The following MGAT4C variants were observed in gnomAD, a reference collection of about 807,000 sequenced individuals.
MGAT4C encodes the protein alpha-1,3-mannosyl-glycoprotein 4-beta-N-acetylglucosaminyltransferase C.
MGAT4C carries 19 observed loss-of-function variants against 40.1 expected under a neutral mutation model. The ratio of observed to expected loss-of-function variants is 0.47; its 90% CI spans 0.33 to 0.70. The LOEUF (loss-of-function observed/expected upper bound fraction) is 0.70. Ranked by LOEUF, MGAT4C falls within the 30% of genes least tolerant of loss-of-function variation. The probability of loss-of-function intolerance (pLI) is 0.02; values close to 1 mark genes in which losing one functional copy is unlikely to be tolerated. For missense variants in MGAT4C, 491 were observed against 563.2 expected (o/e 0.87, Z 1.30); for synonymous variants, 181 against 187.1 (o/e 0.97, Z 0.27).
intron 2 of MGAT4C, among the ~76,000 whole-genome samples, chr12:86,442,967 G>C (rs575674674): frequency 2.0e-5 from 3 of 151,974 alleles, no homozygotes; most frequent in African/African-American, 7.3e-5. Flanking sequence ...AGTTTTTAGC[G>C]ATAAGGTATT....
intron 4 of MGAT4C, among the ~76,000 whole-genome samples, chr12:86,329,345 G>C (rs952637743): frequency 6.6e-6 from 1 of 152,016 alleles, no homozygotes; most frequent in African/African-American, 2.4e-5. Flanking sequence ...TGGTTCAGTG[G>C]ACATAGTTAC....
At chr12:86,823,022 C>T (rs1177794923) in intron 1 of MGAT4C, among the ~76,000 whole-genome samples, 1 of 150,296 alleles carries the variant, frequency 6.7e-6, no homozygotes, top group Admixed American at 6.7e-5. Context: ...AGTAATTGAA[C>T]AACACACTGT....
At chr12:86,800,999 G>C (rs1952215850) in intron 1 of MGAT4C, among the ~76,000 whole-genome samples, 1 of 151,902 alleles carries the variant, frequency 6.6e-6, no homozygotes, top group South Asian at 2.1e-4. Flanking sequence ...ACTCTGGCCT[G>C]CCTTCAGCAA....
chr12:86,110,614 C>T (rs1361001656), intron 1 of MGAT4C, among the ~76,000 whole-genome samples: 2 of 150,932 alleles, frequency 1.3e-5, no homozygotes, highest in African/African-American at 4.9e-5. Context: ...AAAAATAATT[C>T]CTAAGCCTTA....
At chr12:86,531,658 G>A (rs375607711) in intron 2 of MGAT4C, among the ~76,000 whole-genome samples, 1 of 151,842 alleles carries the variant, frequency 6.6e-6, no homozygotes, top group African/African-American at 2.4e-5. Flanking sequence ...CACAACACAT[G>A]ATTTGTAGAC....
intron 1 of MGAT4C, among the ~76,000 whole-genome samples, chr12:86,145,769 T>G (rs1883427029): frequency 6.6e-6 from 1 of 152,170 alleles, no homozygotes; most frequent in Admixed American, 6.5e-5. Context: ...GAAAATTATT[T>G]TAGGATTATA....
chr12:86,470,887 C>A (rs1038751235), intron 2 of MGAT4C, among the ~76,000 whole-genome samples: 2 of 152,114 alleles, frequency 1.3e-5, no homozygotes, highest in Admixed American at 6.6e-5. Flanking sequence ...TTATTCTTAA[C>A]TTCTTAGGTG....
intron 1 of MGAT4C, among the ~76,000 whole-genome samples, chr12:86,785,012 G>A (rs918475934): frequency 2.0e-5 from 3 of 151,866 alleles, no homozygotes; most frequent in African/African-American, 7.2e-5. Flanking sequence ...ATATAAACTT[G>A]GAAGAGTGGA....
intron 2 of MGAT4C, among the ~76,000 whole-genome samples, chr12:86,494,866 T>A (rs915876186): frequency 3.9e-5 from 6 of 152,050 alleles, no homozygotes; most frequent in African/African-American, 1.4e-4. Context: ...TTCTGATAAC[T>A]AGGGAAATTT....
chr12:86,825,557 G>T (rs375331548), intron 1 of MGAT4C, among the ~76,000 whole-genome samples: 29 of 151,412 alleles, frequency 1.9e-4, no homozygotes, highest in East Asian at 1.2e-3. Context: ...AATAGTAATG[G>T]CTATATATCA....
At chr12:86,816,156 G>T (rs1006686468) in intron 1 of MGAT4C, among the ~76,000 whole-genome samples, 2 of 151,824 alleles carry the variant, frequency 1.3e-5, no homozygotes, top group Non-Finnish European at 1.5e-5. Context: ...GATGAAACAT[G>T]ATATATTTTT....
upstream of MGAT4C, among the ~76,000 whole-genome samples, chr12:86,257,069 G>A (rs534148442): frequency 6.6e-6 from 1 of 152,120 alleles, no homozygotes; most frequent in Non-Finnish European, 1.5e-5. Flanking sequence ...TTAAATATTG[G>A]TTTTTACAAA....
intron 2 of MGAT4C, among the ~76,000 whole-genome samples, chr12:86,474,515 T>TATAATA (rs56065913): frequency 2.6e-5 from 4 of 151,154 alleles, no homozygotes; most frequent in Non-Finnish European, 4.4e-5. Flanking sequence ...AAACTTAGAG[T>TATAATA]ATAATAATAA....
At chr12:86,568,554 A>ATATATATATATATATG (rs1306624826) in intron 2 of MGAT4C, among the ~76,000 whole-genome samples, 2 of 149,338 alleles carry the variant, frequency 1.3e-5, no homozygotes, top group African/African-American at 4.9e-5. Context: ...TCATATATAT[A>ATATATATATATATATG]TATATATATA....
chr12:86,535,431 T>A (rs925528165), intron 2 of MGAT4C, among the ~76,000 whole-genome samples: 4 of 152,076 alleles, frequency 2.6e-5, no homozygotes, highest in African/African-American at 9.6e-5. Context: ...CAATACATTA[T>A]GTATTAAAGT....
chr12:86,078,939 A>C (rs1223106951), intron 1 of MGAT4C, among the ~76,000 whole-genome samples: 1 of 152,224 alleles, frequency 6.6e-6, no homozygotes, highest in Non-Finnish European at 1.5e-5. Flanking sequence ...TATGTATAGA[A>C]GTTATTTTGT....
intron 2 of MGAT4C, among the ~76,000 whole-genome samples, chr12:86,615,663 A>G (rs1266011336): frequency 6.6e-6 from 1 of 152,134 alleles, no homozygotes; most frequent in East Asian, 1.9e-4. Flanking sequence ...TGCATTCCAA[A>G]GAACGCTAAT....
At chr12:86,737,342 CTT>C (rs36112885) in intron 1 of MGAT4C, among the ~76,000 whole-genome samples, 14 of 131,184 alleles carry the variant, frequency 1.1e-4, no homozygotes, top group African/African-American at 2.5e-4. Context: ...AACTAAAATA[CTT>C]TTTTTTTTTT....
At chr12:86,359,956 G>A (rs1339124103) in intron 3 of MGAT4C, among the ~76,000 whole-genome samples, 1 of 152,160 alleles carries the variant, frequency 6.6e-6, no homozygotes, top group African/African-American at 2.4e-5. Flanking sequence ...TAGATAAAGA[G>A]GGAATCCTCC....
Sources: gnomAD v4.1 joint callset for allele counts (sites outside exome capture counted in the v4.1 genomes callset) on GRCh38, gnomAD v4.1.1 for gene constraint, MANE v1.5 for transcripts, NCBI Gene and HGNC (gene_info 2026-07-23, HGNC 2026-07-21) for gene names.